NCAM2: variants seen among roughly 807,000 people sequenced by gnomAD.
NCAM2 encodes the protein N-CAM-2.
Under a neutral mutation model 98.1 loss-of-function variants are expected in NCAM2, and 30 were observed. The ratio of observed to expected loss-of-function variants is 0.31; its 90% CI spans 0.23 to 0.41. NCAM2 has a LOEUF of 0.41. Among genes scored for constraint, NCAM2 ranks in the 10% least tolerant of loss-of-function variants. The pLI, the probability that NCAM2 is intolerant of heterozygous loss-of-function variation, is 1.00. For missense variants in NCAM2, 867 were observed against 1,005.8 expected, an observed-to-expected ratio of 0.86 and a Z score of 1.87; for synonymous variants, 368 against 342.4, an observed-to-expected ratio of 1.07 and a Z score of -0.83.
chr21:21,376,574 A>G (rs1428448004), intron 9 of NCAM2, among the ~76,000 whole-genome samples: 1 of 151,858 alleles, frequency 6.6e-6, no homozygotes, highest in Non-Finnish European at 1.5e-5. Context: ...GGTAGAAAAT[A>G]ATGGGATAAA....
At chr21:21,377,620 T>C (rs1252865936) in intron 9 of NCAM2, among the ~76,000 whole-genome samples, 1 of 151,926 alleles carries the variant, frequency 6.6e-6, no homozygotes, top group Admixed American at 6.6e-5. Context: ...GTAATTTTTG[T>C]TATATGTATA....
intron 16 of NCAM2, among the ~76,000 whole-genome samples, chr21:21,534,076 C>A (rs1469132449): frequency 6.6e-6 from 1 of 151,828 alleles, no homozygotes; most frequent in Non-Finnish European, 1.5e-5. Flanking sequence ...GAAATAAAAG[C>A]AACCCTTCTG....
At chr21:21,232,673 T>A (rs2070676444) in intron 1 of NCAM2, among the ~76,000 whole-genome samples, 1 of 151,750 alleles carries the variant, frequency 6.6e-6, no homozygotes, top group Non-Finnish European at 1.5e-5. Flanking sequence ...ATTTCATGCA[T>A]GATTTTTATG....
intron 1 of NCAM2, among the ~76,000 whole-genome samples, chr21:21,147,432 C>T (rs2067312186): frequency 6.6e-6 from 1 of 151,830 alleles, no homozygotes; most frequent in South Asian, 2.1e-4. Flanking sequence ...TTTTTTGAGA[C>T]AGGGTCTTGC....
chr21:21,499,337 G>A (rs1987468705), intron 15 of NCAM2, among the ~76,000 whole-genome samples: 1 of 152,124 alleles, frequency 6.6e-6, no homozygotes, highest in Admixed American at 6.6e-5. Context: ...CAGCTCCCAG[G>A]TTCAAGCGAT....
At chr21:21,182,510 C>T (rs2068513161) in intron 1 of NCAM2, among the ~76,000 whole-genome samples, 2 of 152,136 alleles carry the variant, frequency 1.3e-5, no homozygotes, top group South Asian at 4.1e-4. Flanking sequence ...GTAGCTTCAA[C>T]TTTGATATTC....
chr21:21,528,876 A>T (rs79344309), intron 16 of NCAM2, among the ~76,000 whole-genome samples: 15,870 of 152,132 alleles, frequency 0.1, 936 homozygotes, highest in East Asian at 0.16. Flanking sequence ...TACAGAATAA[A>T]ATCTAAAAGA....
chr21:21,524,121 A>G (rs1001458241), intron 16 of NCAM2, among the ~76,000 whole-genome samples: 7 of 152,106 alleles, frequency 4.6e-5, no homozygotes, highest in African/African-American at 4.8e-5. Flanking sequence ...CTATGCTAAC[A>G]TGAATCAAAT....
chr21:21,276,207 ACC>A (rs1274236839), intron 1 of NCAM2, among the ~76,000 whole-genome samples: 1 of 152,052 alleles, frequency 6.6e-6, no homozygotes, highest in East Asian at 1.9e-4. Context: ...AATTTTATGT[ACC>A]CCATAGTCCT....
rs750037334 is a variant in NCAM2 at position 21,025,090 on chromosome 21, C to CT, written c.55+26485dup. ...AGGATTTAAAAATTAAGGACTATAA[C>CT]TTTTTTTTTTTTTGAGATGGAGTCT... On this transcript the variant is annotated intron_variant, in intron 1 of 17. Transcript: ENST00000400546. Among the ~76,000 whole-genome samples the CT allele has an allele frequency of 1.6e-3, 232 of 146,154 alleles. 1 individual carries two copies. The highest frequency in any genetic ancestry group is 6.8e-3 in the East Asian group (34 of 4,984).
chr21:21,077,765 A>G (rs1174311518), intron 1 of NCAM2, among the ~76,000 whole-genome samples: 1 of 152,164 alleles, frequency 6.6e-6, no homozygotes, highest in Admixed American at 6.5e-5. Flanking sequence ...AACTGTTTTT[A>G]AAAATAGATT....
intron 1 of NCAM2, among the ~76,000 whole-genome samples, chr21:21,153,624 A>C (rs1437847374): frequency 6.6e-6 from 1 of 151,876 alleles, no homozygotes; most frequent in African/African-American, 2.4e-5. Flanking sequence ...TTGGAATGGG[A>C]GGGAGCCACA....
intron 1 of NCAM2, among the ~76,000 whole-genome samples, chr21:21,208,671 T>C (rs2147067949): frequency 6.6e-6 from 1 of 152,238 alleles, no homozygotes; most frequent in East Asian, 1.9e-4. Flanking sequence ...TGGAGATTAT[T>C]GTAGAGGAGA....
chr21:21,097,248 A>G (rs2066143364), intron 1 of NCAM2, among the ~76,000 whole-genome samples: 1 of 151,750 alleles, frequency 6.6e-6, no homozygotes, highest in African/African-American at 2.4e-5. Context: ...CATGATAAGC[A>G]TCTGTTATTT....
At chr21:21,498,980 T>C (rs1569120919) in intron 15 of NCAM2, among the ~76,000 whole-genome samples, 1 of 152,126 alleles carries the variant, frequency 6.6e-6, no homozygotes, top group South Asian at 2.1e-4. Flanking sequence ...AGTAAGAGCA[T>C]TAGTAAATTA....
At chr21:21,251,135 A>C (rs1346542995) in intron 1 of NCAM2, among the ~76,000 whole-genome samples, 1 of 152,102 alleles carries the variant, frequency 6.6e-6, no homozygotes, top group Non-Finnish European at 1.5e-5. Flanking sequence ...TCTTTATCTA[A>C]CATAAGCCAG....
At chr21:21,384,950 T>A (rs2148112660) in intron 9 of NCAM2, among the ~76,000 whole-genome samples, 1 of 152,186 alleles carries the variant, frequency 6.6e-6, no homozygotes. Flanking sequence ...TAATTTAAAA[T>A]TTAGCCTGTC....
chr21:21,112,076 T>C (rs920593347), intron 1 of NCAM2, among the ~76,000 whole-genome samples: 8 of 152,222 alleles, frequency 5.3e-5, no homozygotes, highest in African/African-American at 1.9e-4. Flanking sequence ...ATTTTAATTA[T>C]GATAATTCTT....
intron 1 of NCAM2, among the ~76,000 whole-genome samples, chr21:21,117,366 C>G (rs1040700677): frequency 9.9e-5 from 15 of 152,084 alleles, no homozygotes; most frequent in Admixed American, 7.2e-4. Context: ...GAAAATAAAA[C>G]TATCATACAA....
Sources: allele counts gnomAD v4.1 joint callset (sites outside exome capture counted in the v4.1 genomes callset), GRCh38; gene constraint gnomAD v4.1.1; transcripts MANE v1.5; gene names NCBI Gene and HGNC (gene_info 2026-07-23, HGNC 2026-07-21).